The following FBN2 variants were observed in gnomAD, a reference collection of about 807,000 sequenced individuals.
FBN2 encodes fibrillin 2.
FBN2 carries 105 observed loss-of-function variants against 355.6 expected under a neutral mutation model. The ratio of observed to expected loss-of-function variants is 0.30; its 90% confidence interval spans 0.25 to 0.35. FBN2 has a LOEUF of 0.35. Among genes scored for constraint, FBN2 ranks in the 10% least tolerant of loss-of-function variants. FBN2 has a pLI of 1.00. For synonymous variants in FBN2, 1,350 were observed against 1,301.2 expected, an observed-to-expected ratio of 1.04 and a Z score of -0.81; for missense variants, 3,280 against 3,758.7, an observed-to-expected ratio of 0.87 and a Z score of 3.33.
intron 52 of FBN2, 84 bp from the exon 53 acceptor site, chr5:128,288,641 C>T: frequency 6.6e-7 from 1 of 1,509,962 alleles, no homozygotes; most frequent in Non-Finnish European, 9.1e-7. Flanking sequence ...TTGGCCCTCA[C>T]CCATTTCCAG....
intron 48 of FBN2, among the ~76,000 whole-genome samples, chr5:128,299,306 C>A (rs1666920831): frequency 6.6e-6 from 1 of 151,832 alleles, no homozygotes; most frequent in Non-Finnish European, 1.5e-5. Flanking sequence ...GCCCTGCCCC[C>A]AGAGGTGGAG....
chr5:128,520,502 A>G (rs1165500430), intron 4 of FBN2, among the ~76,000 whole-genome samples: 1 of 152,148 alleles, frequency 6.6e-6, no homozygotes, highest in Non-Finnish European at 1.5e-5. Flanking sequence ...GGGGCCAAAC[A>G]CTTCAAGTGA....
chr5:128,449,332 A>G (rs1461890309), intron 6 of FBN2, among the ~76,000 whole-genome samples: 1 of 147,050 alleles, frequency 6.8e-6, no homozygotes, highest in East Asian at 2.0e-4. Context: ...TATATAGTAT[A>G]CGTATAATTA....
intron 2 of FBN2, among the ~76,000 whole-genome samples, chr5:128,530,939 C>A (rs1413255153): frequency 1.3e-5 from 2 of 152,132 alleles, no homozygotes; most frequent in Non-Finnish European, 2.9e-5. Flanking sequence ...TTTAAGGAAT[C>A]TCCACACTGT....
chr5:128,493,591 G>A (rs58556911), intron 5 of FBN2, among the ~76,000 whole-genome samples: 4,913 of 152,144 alleles, frequency 0.032, 262 homozygotes, highest in African/African-American at 0.11. Flanking sequence ...GTTAAGAAAT[G>A]TGGGCTTTAT....
intron 19 of FBN2, among the ~76,000 whole-genome samples, chr5:128,359,182 TTTA>T: frequency 6.6e-6 from 1 of 152,192 alleles, no homozygotes; most frequent in East Asian, 1.9e-4. Flanking sequence ...CTTTACTCTC[TTTA>T]TTATTAGTGC....
Position 128,274,681 on chromosome 5 carries a change from G to A in FBN2, c.7597C>T (p.Leu2533Phe). 1.9e-6 allele frequency: 3 copies of A among 1,586,990 alleles called. No individual in the cohort carries two copies. Among genetic ancestry groups the A allele is most frequent in the Non-Finnish European group, 2.6e-6 (3 of 1,155,362 alleles). ...LQEDGKTCKD[L>F]DECQTKQHNC... ...TGCTGCTTTGTTTGACATTCATCAA[G>A]GTCTGAAATTAGAGAGAAGCCAGTG... Residue 2533 changes from leucine (L) to phenylalanine (F), a missense_variant and splice_region_variant, in exon 60 of 65, where the codon CTT (leucine) becomes TTT (phenylalanine). By Grantham distance (22) the Leu-to-Phe change is conservative. This residue lies in a region of FBN2 where 2,284 missense variants were observed against 2,749.5 expected (regional missense o/e 0.83). Coordinates refer to ENST00000262464, the MANE Select transcript of FBN2 (RefSeq NM_001999.4).
intron 7 of FBN2, among the ~76,000 whole-genome samples, chr5:128,432,852 T>C (rs1753661037): frequency 6.6e-6 from 1 of 152,124 alleles, no homozygotes. Flanking sequence ...TTACTTGTAG[T>C]TCTGTATGGC....
chr5:128,383,992 A>G (rs1437138480), intron 11 of FBN2, among the ~76,000 whole-genome samples: 2 of 152,144 alleles, frequency 1.3e-5, no homozygotes, highest in East Asian at 3.8e-4. Flanking sequence ...ATGAATGTTC[A>G]TAAGAGCTTT....
chr5:128,339,755 C>T (rs141962604), intron 25 of FBN2, among the ~76,000 whole-genome samples: 2 of 152,236 alleles, frequency 1.3e-5, no homozygotes, highest in African/African-American at 2.4e-5. Context: ...CATGCCACCC[C>T]AGGTCGCAGC....
chr5:128,372,273 G>C (rs1402624668), intron 15 of FBN2, among the ~76,000 whole-genome samples: 1 of 152,108 alleles, frequency 6.6e-6, no homozygotes, highest in Admixed American at 6.6e-5. Flanking sequence ...AATAAATTTT[G>C]AATGAATGGG....
At chr5:128,271,931 T>G (rs1243511972) in intron 62 of FBN2, 68 bp downstream of exon 62, 5 of 1,586,050 alleles carry the variant, frequency 3.2e-6, no homozygotes, top group Non-Finnish European at 3.5e-6. Flanking sequence ...CCCTCACAAT[T>G]TGTTCATCTT....
At position 128,421,581 on chromosome 5, in the gene FBN2, G is replaced by T. The variant is rs1335603330; in HGVS notation, c.953-12782C>A. 2.0e-5 allele frequency among the ~76,000 whole-genome samples: 3 copies of T among 152,080 alleles called. No individual in the cohort carries two copies. In the East Asian group the frequency reaches 5.8e-4, roughly 29 times the overall value. On this transcript the variant is annotated intron_variant, in intron 7 of 64. Coordinates refer to ENST00000262464, the MANE Select transcript of FBN2 (RefSeq NM_001999.4). ...AGAGTAAGTCTTTGCAAGGTGATTG[G>T]AATCTATGGGTATAGACAGTTGAAA... is the stretch of plus-strand genomic sequence containing the variant.
At chr5:128,510,510 T>C (rs2127151413) in intron 5 of FBN2, among the ~76,000 whole-genome samples, 1 of 152,336 alleles carries the variant, frequency 6.6e-6, no homozygotes, top group Non-Finnish European at 1.5e-5. Flanking sequence ...AACCACATTT[T>C]CATATATTCT....
intron 4 of FBN2, among the ~76,000 whole-genome samples, chr5:128,523,569 T>A (rs1173168928): frequency 6.6e-6 from 1 of 152,126 alleles, no homozygotes; most frequent in African/African-American, 2.4e-5. Flanking sequence ...ACCTCTCTCC[T>A]AAGATCAGAG....
intron 5 of FBN2, among the ~76,000 whole-genome samples, chr5:128,508,420 T>C (rs1756021137): frequency 6.6e-6 from 1 of 152,000 alleles, no homozygotes; most frequent in South Asian, 2.1e-4. Flanking sequence ...ACTCTGTATT[T>C]TTAGTGCTTA....
intron 5 of FBN2, among the ~76,000 whole-genome samples, chr5:128,472,280 G>A (rs1024115843): frequency 3.3e-5 from 5 of 152,132 alleles, no homozygotes; most frequent in African/African-American, 1.2e-4. Flanking sequence ...AATACTGCAT[G>A]ATTTCACTTA....
At chr5:128,289,104 T>G (rs1218658050) in intron 52 of FBN2, 23 bp downstream of exon 52, 3 of 1,613,310 alleles carry the variant, frequency 1.9e-6, no homozygotes, top group Non-Finnish European at 2.5e-6. Flanking sequence ...TTTAAAATTC[T>G]GTAATGTGGA....
At chr5:128,419,396 G>A (rs749143839) in intron 7 of FBN2, among the ~76,000 whole-genome samples, 5 of 152,048 alleles carry the variant, frequency 3.3e-5, no homozygotes, top group Admixed American at 1.3e-4. Flanking sequence ...CCAATCTTAG[G>A]GAAAGCATTA....
Sources: gnomAD v4.1 joint callset for allele counts (sites outside exome capture counted in the v4.1 genomes callset) on GRCh38, gnomAD v4.1.1 for gene constraint, gnomAD v4.1.1 regional missense constraint, MANE v1.5 for transcripts, NCBI Gene and HGNC (gene_info 2026-07-23, HGNC 2026-07-21) for gene names.